CAMK1D: variants seen among roughly 807,000 people sequenced by gnomAD.
CAMK1D encodes the protein calcium/calmodulin dependent protein kinase ID.
CAMK1D carries 9 observed loss-of-function variants against 47.7 expected under a neutral mutation model. That is an observed-to-expected ratio of 0.19 (90% CI 0.11 to 0.33). The LOEUF is 0.33. Among genes scored for constraint, CAMK1D ranks in the 10% least tolerant of loss-of-function variants. CAMK1D has a pLI of 1.00. For missense variants in CAMK1D, 291 were observed against 488.7 expected (o/e 0.60, Z 3.81); for synonymous variants, 184 against 184.9 (o/e 0.99, Z 0.04).
intron 1 of CAMK1D, among the ~76,000 whole-genome samples, chr10:12,453,913 GTTGTCCACAAACATGATGATC>G (rs1285673882): frequency 1.3e-5 from 2 of 152,074 alleles, no homozygotes; most frequent in Non-Finnish European, 2.9e-5. Context: ...TTAATTTTGG[GTTGTCCACAAACATGATGATC>G]GTATCCTCTC....
rs1435188908 is a variant in CAMK1D, at chr10:12,828,968, A to G, written c.*81A>G. On this transcript the variant is annotated 3_prime_UTR_variant, in exon 11 of 11. Coordinates refer to ENST00000619168, the MANE Select transcript of CAMK1D (RefSeq NM_153498.4). ...GCCAGAGCCGCGAGCCACTCCAGCG[A>G]GACCCCACCTTGCATGGTGCCCCTT... The G allele has an allele frequency of 4.9e-6, 5 of 1,020,588 alleles. No individual in the cohort carries two copies. Among genetic ancestry groups the G allele is most frequent in the Non-Finnish European group, 7.1e-6 (5 of 706,834 alleles). The allele number at this position is 1,020,588 out of a possible 1,614,324, so 63.2% of individuals were successfully genotyped here.
chr10:12,639,714 T>C (rs762046535), intron 2 of CAMK1D, among the ~76,000 whole-genome samples: 3 of 152,228 alleles, frequency 2.0e-5, no homozygotes, highest in Non-Finnish European at 4.4e-5. Context: ...CTTTTATTTG[T>C]TTAGTGATAT....
intron 5 of CAMK1D, among the ~76,000 whole-genome samples, chr10:12,777,778 G>A (rs1374576076): frequency 6.6e-6 from 1 of 152,192 alleles, no homozygotes; most frequent in Non-Finnish European, 1.5e-5. Context: ...TCCACCGTGG[G>A]GCTCGCCCCA....
intron 3 of CAMK1D, among the ~76,000 whole-genome samples, chr10:12,698,967 G>A (rs887721186): frequency 3.3e-5 from 5 of 151,860 alleles, no homozygotes; most frequent in African/African-American, 9.7e-5. Flanking sequence ...CACTGCACCC[G>A]GCCTAGAGAT....
intron 1 of CAMK1D, among the ~76,000 whole-genome samples, chr10:12,482,773 T>C (rs17151755): frequency 0.043 from 6,616 of 152,270 alleles, 559 homozygotes; most frequent in East Asian, 0.41. Flanking sequence ...TGCCAGGCGA[T>C]AGGGCTAATT....
At chr10:12,525,531 T>C (rs1156883305) in intron 1 of CAMK1D, among the ~76,000 whole-genome samples, 2 of 152,306 alleles carry the variant, frequency 1.3e-5, no homozygotes, top group South Asian at 2.1e-4. Context: ...TTAAAAAAAT[T>C]TCAATTATTC....
At chr10:12,620,606 T>C (rs1838970829) in intron 2 of CAMK1D, among the ~76,000 whole-genome samples, 1 of 152,274 alleles carries the variant, frequency 6.6e-6, no homozygotes, top group African/African-American at 2.4e-5. Flanking sequence ...GCTCATGTTC[T>C]ATCTGGGTTG....
chr10:12,571,687 A>G (rs770272946), intron 2 of CAMK1D, among the ~76,000 whole-genome samples: 1 of 151,982 alleles, frequency 6.6e-6, no homozygotes, highest in African/African-American at 2.4e-5. Context: ...CTGTCCTCAT[A>G]TCAGGTAATG....
chr10:12,377,400 C>T (rs551217226), intron 1 of CAMK1D, among the ~76,000 whole-genome samples: 1 of 152,326 alleles, frequency 6.6e-6, no homozygotes, highest in South Asian at 2.1e-4. Context: ...TCCTTGTCCT[C>T]TTATATGAGT....
intron 1 of CAMK1D, among the ~76,000 whole-genome samples, chr10:12,468,172 C>T (rs535342945): frequency 6.6e-6 from 1 of 152,348 alleles, no homozygotes; most frequent in Admixed American, 6.5e-5. Flanking sequence ...CCTCCCGCCT[C>T]AGCTTCCCGA....
At chr10:12,481,306 C>A (rs1489898787) in intron 1 of CAMK1D, among the ~76,000 whole-genome samples, 1 of 152,096 alleles carries the variant, frequency 6.6e-6, no homozygotes, top group East Asian at 1.9e-4. Context: ...TTGGCTCAGC[C>A]AGTCCTGTGG....
intron 2 of CAMK1D, among the ~76,000 whole-genome samples, chr10:12,569,955 A>T (rs1298933924): frequency 6.6e-6 from 1 of 152,046 alleles, no homozygotes; most frequent in Non-Finnish European, 1.5e-5. Flanking sequence ...TAATCCCAGC[A>T]CTTTGGGAGG....
At chr10:12,821,094 G>T (rs1832996101) in intron 8 of CAMK1D, among the ~76,000 whole-genome samples, 1 of 152,222 alleles carries the variant, frequency 6.6e-6, no homozygotes, top group Non-Finnish European at 1.5e-5. Flanking sequence ...GCAGGCCAGG[G>T]CAGCAGGCTG....
chr10:12,626,276 T>C (rs947315788), intron 2 of CAMK1D, among the ~76,000 whole-genome samples: 1 of 152,148 alleles, frequency 6.6e-6, no homozygotes. Context: ...TGTGAGTCTT[T>C]TGCATTAATT....
At chr10:12,523,366 C>G (rs1265195087) in intron 1 of CAMK1D, among the ~76,000 whole-genome samples, 1 of 152,204 alleles carries the variant, frequency 6.6e-6, no homozygotes, top group Non-Finnish European at 1.5e-5. Context: ...AGGCTGCAAT[C>G]TCGGCACTTT....
At chr10:12,537,041 A>T (rs1162103941) in intron 1 of CAMK1D, among the ~76,000 whole-genome samples, 2 of 151,958 alleles carry the variant, frequency 1.3e-5, no homozygotes, top group African/African-American at 4.8e-5. Flanking sequence ...TTTTACTAGG[A>T]ATCTCTGTTG....
chr10:12,419,644 A>ACG (rs2131963216), intron 1 of CAMK1D, among the ~76,000 whole-genome samples: 1 of 127,304 alleles, frequency 7.9e-6, no homozygotes, highest in African/African-American at 2.8e-5. Context: ...GAAAATGCAC[A>ACG]CACACACACA....
chr10:12,597,065 T>G (rs1222553322), intron 2 of CAMK1D, among the ~76,000 whole-genome samples: 3 of 151,990 alleles, frequency 2.0e-5, no homozygotes, highest in Non-Finnish European at 2.9e-5. Flanking sequence ...CACCCATCAG[T>G]GGGGATGGAA....
chr10:12,700,169 G>A (rs1302334764), intron 3 of CAMK1D, among the ~76,000 whole-genome samples: 1 of 152,068 alleles, frequency 6.6e-6, no homozygotes, highest in Non-Finnish European at 1.5e-5. Flanking sequence ...TTCTCTGTAA[G>A]GCGTCATAGA....
Sources: allele counts gnomAD v4.1 joint callset (sites outside exome capture counted in the v4.1 genomes callset), GRCh38; gene constraint gnomAD v4.1.1; transcripts MANE v1.5; gene names NCBI Gene and HGNC (gene_info 2026-07-23, HGNC 2026-07-21).